ADAM22: variants seen among roughly 807,000 people sequenced by gnomAD.
The protein encoded by ADAM22 is disintegrin and metalloproteinase domain-containing protein 22.
A neutral mutation model predicts 144.6 loss-of-function variants in ADAM22; 65 were observed. That is an observed-to-expected ratio of 0.45 (90% CI 0.37 to 0.55). ADAM22 has a LOEUF of 0.55. Ranked by LOEUF, ADAM22 falls within the 20% of genes least tolerant of loss-of-function variation. The pLI, the probability that ADAM22 is intolerant of heterozygous loss-of-function variation, is 0.00. For missense variants in ADAM22, 974 were observed against 1,184.9 expected (o/e 0.82, Z 2.61); for synonymous variants, 391 against 412.6 (o/e 0.95, Z 0.63).
chr7:88,007,079 A>G (rs944394665), intron 3 of ADAM22, among the ~76,000 whole-genome samples: 1 of 152,236 alleles, frequency 6.6e-6, no homozygotes, highest in Admixed American at 6.5e-5. Context: ...TCAATGTACA[A>G]AAATCACAAG....
At chr7:88,053,616 GAA>G (rs1216896515) in intron 3 of ADAM22, among the ~76,000 whole-genome samples, 2 of 113,426 alleles carry the variant, frequency 1.8e-5, no homozygotes, top group South Asian at 3.9e-4. Flanking sequence ...AAGAAAGAAA[GAA>G]AGAAAGAAAG....
intron 26 of ADAM22, among the ~76,000 whole-genome samples, chr7:88,175,369 A>G (rs1004933795): frequency 1.6e-4 from 24 of 152,190 alleles, no homozygotes; most frequent in Non-Finnish European, 2.5e-4. Flanking sequence ...CAGAGTCATT[A>G]AGTTACAGGG....
chr7:88,039,693 A>G (rs1802627607), intron 3 of ADAM22, among the ~76,000 whole-genome samples: 1 of 150,978 alleles, frequency 6.6e-6, no homozygotes, highest in South Asian at 2.1e-4. Context: ...TTTATTACGT[A>G]TCTAAAAAGA....
At chr7:88,080,957 T>C (rs1207600187) in intron 4 of ADAM22, among the ~76,000 whole-genome samples, 2 of 151,918 alleles carry the variant, frequency 1.3e-5, no homozygotes, top group African/African-American at 2.4e-5. Flanking sequence ...TTCCAATCAA[T>C]AGAAAAAGAG....
intron 30 of ADAM22, among the ~76,000 whole-genome samples, chr7:88,192,477 T>G (rs1463741723): frequency 6.6e-6 from 1 of 152,192 alleles, no homozygotes; most frequent in Non-Finnish European, 1.5e-5. Flanking sequence ...ATGCTGATTG[T>G]AGGGACTAAT....
At chr7:88,162,896 T>G (rs1428138228) in intron 22 of ADAM22, 116 bp from the exon 23 acceptor site, 2 of 1,063,762 alleles carry the variant, frequency 1.9e-6, no homozygotes, top group African/African-American at 3.3e-5. Flanking sequence ...TACTGGTCTT[T>G]AATAAGTAAT....
intron 2 of ADAM22, among the ~76,000 whole-genome samples, chr7:87,952,678 C>CTTTT (rs1845572795): frequency 6.6e-6 from 1 of 151,848 alleles, no homozygotes; most frequent in African/African-American, 2.4e-5. Context: ...GGGAGGATTC[C>CTTTT]CTCTTTTTCT....
intron 2 of ADAM22, among the ~76,000 whole-genome samples, chr7:87,954,251 A>G (rs544820131): frequency 6.6e-5 from 10 of 151,508 alleles, no homozygotes; most frequent in African/African-American, 1.5e-4. Flanking sequence ...TGGTCTTTAC[A>G]TTTTGGCATG....
At chr7:87,969,131 C>G (rs1663344541) in intron 2 of ADAM22, among the ~76,000 whole-genome samples, 1 of 152,176 alleles carries the variant, frequency 6.6e-6, no homozygotes, top group Non-Finnish European at 1.5e-5. Context: ...CAAATCCTAA[C>G]CATATCACCA....
At position 88,143,222 on chromosome 7, in the gene ADAM22, T is replaced by C. The variant is rs1835325809; in HGVS notation, c.1320+97T>C. 4.8e-6 allele frequency: 4 copies of C among 839,172 alleles called. No homozygotes were observed. The Admixed American group carries it at 6.5e-5, about 14-fold the overall frequency. 52.0% of individuals were successfully genotyped at this position (839,172 alleles called of 1,614,324 possible). ...TCAGCTATTGAATCTTAGAGAGCTT[T>C]TCAACTTGCCCTGTATGTACATATT... On this transcript the variant is annotated intron_variant, in intron 15 of 31. Transcript: ENST00000413139.
intron 4 of ADAM22, among the ~76,000 whole-genome samples, chr7:88,097,151 CTTTTTTTTTTTT>C (rs1169759079): frequency 2.3e-5 from 3 of 129,220 alleles, no homozygotes. Context: ...TTTTTCTTTT[CTTTTTTTTTTTT>C]TTTTTTGAGA....
In ADAM22 at chr7:88,186,702, G is replaced by T. The variant is rs572668691; in HGVS notation, c.2750+1G>T. 1 of 1,571,316 alleles carries T rather than the reference G, an allele frequency of 6.4e-7. No individual in the cohort carries two copies. The highest frequency in any genetic ancestry group is 2.2e-5 in the East Asian group (1 of 44,628). ...AAAACACTGAAGGACCATACTTTAG[G>T]TATTTTATAAATTAATTTTTATATC... is the stretch of plus-strand genomic sequence containing the variant. On this transcript the variant is annotated splice_donor_variant, in intron 30 of 31. Transcript: ENST00000413139. LOFTEE classifies it high-confidence loss of function.
At chr7:88,048,585 G>A (rs181971723) in intron 3 of ADAM22, among the ~76,000 whole-genome samples, 2 of 152,172 alleles carry the variant, frequency 1.3e-5, no homozygotes, top group Admixed American at 1.3e-4. Flanking sequence ...GTTTTGAAAT[G>A]TATATTGGCC....
chr7:88,181,266 T>C (rs898670369), intron 27 of ADAM22, among the ~76,000 whole-genome samples: 1 of 152,196 alleles, frequency 6.6e-6, no homozygotes, highest in Non-Finnish European at 1.5e-5. Flanking sequence ...CTTGATACTT[T>C]TCATTTATAT....
At chr7:87,950,217 C>T (rs1000564586) in intron 2 of ADAM22, among the ~76,000 whole-genome samples, 8 of 151,568 alleles carry the variant, frequency 5.3e-5, no homozygotes, top group African/African-American at 1.7e-4. Flanking sequence ...ATACATGTGC[C>T]ATGCTGGTGT....
At chr7:87,968,411 G>C (rs568935593) in intron 2 of ADAM22, among the ~76,000 whole-genome samples, 5 of 152,168 alleles carry the variant, frequency 3.3e-5, no homozygotes, top group Middle Eastern at 3.2e-3. Context: ...GGTGGCTCAT[G>C]CTTGTAATCC....
intron 21 of ADAM22, among the ~76,000 whole-genome samples, chr7:88,155,256 T>C (rs1321968874): frequency 1.3e-5 from 2 of 151,946 alleles, no homozygotes; most frequent in African/African-American, 2.4e-5. Flanking sequence ...GGGCACAGCA[T>C]CTCATGCTTA....
intron 22 of ADAM22, among the ~76,000 whole-genome samples, chr7:88,160,752 T>C (rs2129529026): frequency 6.6e-6 from 1 of 152,284 alleles, no homozygotes; most frequent in East Asian, 1.9e-4. Flanking sequence ...TAAGAAAATG[T>C]GGCACATATA....
intron 2 of ADAM22, among the ~76,000 whole-genome samples, chr7:87,961,406 G>A (rs565911596): frequency 6.6e-6 from 1 of 152,206 alleles, no homozygotes; most frequent in Non-Finnish European, 1.5e-5. Flanking sequence ...TGGTCTCACA[G>A]TATTGGATTA....
Sources: gnomAD v4.1 joint callset for allele counts (sites outside exome capture counted in the v4.1 genomes callset) on GRCh38, gnomAD v4.1.1 for gene constraint, MANE v1.5 for transcripts, NCBI Gene and HGNC (gene_info 2026-07-23, HGNC 2026-07-21) for gene names.